Variants in SOS2 observed in about 807,000 individuals in gnomAD.
The protein encoded by SOS2 is son of sevenless homolog 2.
SOS2 carries 65 observed loss-of-function variants against 148.2 expected under a neutral mutation model. That is an observed-to-expected ratio of 0.44 (90% CI 0.36 to 0.54). The LOEUF (loss-of-function observed/expected upper bound fraction) is 0.54, where lower values mean the gene tolerates loss of function less well. SOS2 is among the 20% of genes least tolerant of loss of function. The pLI is 0.00. For synonymous variants in SOS2, 539 were observed against 537.1 expected (o/e 1.00, Z -0.05); for missense variants, 1,341 against 1,590.2 (o/e 0.84, Z 2.67).
chr14:50,196,903 T>C (rs1207341747), intron 4 of SOS2, among the ~76,000 whole-genome samples: 1 of 152,192 alleles, frequency 6.6e-6, no homozygotes, highest in Non-Finnish European at 1.5e-5. Context: ...TGTCTCACTC[T>C]GTCACCTAGG....
intron 11 of SOS2, among the ~76,000 whole-genome samples, chr14:50,158,170 G>T (rs565558254): frequency 1.3e-5 from 2 of 151,838 alleles, no homozygotes; most frequent in East Asian, 1.9e-4. Context: ...TATGTGTTTT[G>T]AAAGTTTTCA....
chr14:50,133,215 T>A (rs1010297514), intron 19 of SOS2, among the ~76,000 whole-genome samples: 4 of 151,246 alleles, frequency 2.6e-5, no homozygotes, highest in African/African-American at 4.8e-5. Context: ...TTTCATTCCA[T>A]TTTTCCATGA....
intron 4 of SOS2, among the ~76,000 whole-genome samples, chr14:50,193,752 AT>A (rs35785466): frequency 2.3e-3 from 324 of 143,368 alleles, no homozygotes; most frequent in Middle Eastern, 3.6e-3. Context: ...AGTCATCGGG[AT>A]TTTTTTTTTT....
chr14:50,148,302 C>T (rs1021767754), intron 14 of SOS2, among the ~76,000 whole-genome samples: 47 of 151,010 alleles, frequency 3.1e-4, no homozygotes, highest in Middle Eastern at 3.4e-3. Context: ...CCCAGCTACT[C>T]GGGAGGTTGA....
chr14:50,138,723 T>C lies in SOS2; in HGVS notation c.2847A>G (p.Lys949=), dbSNP rs1884166370. The part of the protein sequence containing the change: ...EEGNNDFLKK[K]GKDLINFSKR... ...TACTGAAATTGATTAAATCTTTCCCTTTCTTTTTTAAAAAATCATTATTCC... is the reference window on the plus strand; with the variant it reads ...TACTGAAATTGATTAAATCTTTCCCCTTCTTTTTTAAAAAATCATTATTCC... Residue 949 remains lysine (K), a synonymous_variant, in exon 18 of 23, where the codon AAA becomes AAG. Transcript: ENST00000216373. 7.5e-7 allele frequency: 1 copy of C among 1,327,830 alleles called. No individual in the cohort carries two copies. Among genetic ancestry groups the C allele is most frequent in the Non-Finnish European group, 1.1e-6 (1 of 938,140 alleles). The allele number at this position is 1,327,830 out of a possible 1,614,324, so 82.3% of individuals were successfully genotyped here. A position where few individuals can be genotyped will look rare whatever the true frequency, so the allele number is the denominator to read the frequency against.
intron 1 of SOS2, among the ~76,000 whole-genome samples, chr14:50,222,561 CT>C (rs1224729716): frequency 2.0e-5 from 3 of 152,124 alleles, no homozygotes; most frequent in African/African-American, 7.2e-5. Flanking sequence ...AAAATGATGT[CT>C]GACTATAAAG....
At chr14:50,200,867 T>C in intron 3 of SOS2, 86 bp downstream of exon 3, 1 of 1,279,266 alleles carries the variant, frequency 7.8e-7, no homozygotes, top group East Asian at 2.4e-5. Flanking sequence ...ACACAGACCA[T>C]GCTACATTAA....
chr14:50,214,903 TC>T (rs1050218742), intron 1 of SOS2, among the ~76,000 whole-genome samples: 25 of 151,202 alleles, frequency 1.7e-4, no homozygotes, highest in Non-Finnish European at 3.2e-4. Context: ...TGGCGCGATC[TC>T]AGCTCACTGC....
chr14:50,209,611 T>C (rs1353718501), intron 1 of SOS2, among the ~76,000 whole-genome samples: 1 of 151,722 alleles, frequency 6.6e-6, no homozygotes, highest in Non-Finnish European at 1.5e-5. Flanking sequence ...TACAAAAAAT[T>C]AGCCAGATGT....
intron 5 of SOS2, 141 bp from the exon 6 acceptor site, chr14:50,182,747 G>A (rs146010864): frequency 1.4e-4 from 87 of 624,208 alleles, no homozygotes; most frequent in African/African-American, 1.3e-3. Flanking sequence ...TACTTTTGCT[G>A]CTGCTGTACG....
intron 5 of SOS2, among the ~76,000 whole-genome samples, chr14:50,186,671 A>G (rs1209390398): frequency 6.6e-6 from 1 of 152,162 alleles, no homozygotes; most frequent in East Asian, 1.9e-4. Flanking sequence ...AGAGATGACA[A>G]TATTTGCCCA....
intron 1 of SOS2, among the ~76,000 whole-genome samples, chr14:50,213,887 CAAG>C (rs1886962678): frequency 7.3e-6 from 1 of 137,552 alleles, no homozygotes. Flanking sequence ...GAGTCCCTGC[CAAG>C]AAAAAAAAAA....
At chr14:50,209,485 G>A (rs931613623) in intron 1 of SOS2, among the ~76,000 whole-genome samples, 1 of 152,048 alleles carries the variant, frequency 6.6e-6, no homozygotes, top group Non-Finnish European at 1.5e-5. Flanking sequence ...AAAATTTTTA[G>A]GCCAGGTGCG....
At chr14:50,128,843 GC>G (rs1448552161) in intron 21 of SOS2, among the ~76,000 whole-genome samples, 1 of 151,974 alleles carries the variant, frequency 6.6e-6, no homozygotes, top group Non-Finnish European at 1.5e-5. Context: ...CTGCTATGTT[GC>G]CCTGACCTCA....
At chr14:50,180,748 G>A in intron 6 of SOS2, 66 bp from the exon 7 acceptor site, 1 of 873,368 alleles carries the variant, frequency 1.1e-6, no homozygotes, top group Non-Finnish European at 1.8e-6. Flanking sequence ...ATATGGTACA[G>A]ATTATTATCA....
At chr14:50,178,349 C>G (rs1286471614) in intron 7 of SOS2, among the ~76,000 whole-genome samples, 1 of 152,190 alleles carries the variant, frequency 6.6e-6, no homozygotes, top group Non-Finnish European at 1.5e-5. Context: ...TCCCTTTTGG[C>G]TTCCGCCATG....
intron 8 of SOS2, among the ~76,000 whole-genome samples, chr14:50,168,219 G>C (rs779463198): frequency 7.2e-5 from 11 of 152,098 alleles, no homozygotes; most frequent in Non-Finnish European, 1.0e-4. Flanking sequence ...AGTAAAAAAG[G>C]ACAGACATAG....
chr14:50,129,420 C>T (rs1192990799), intron 21 of SOS2, among the ~76,000 whole-genome samples: 2 of 152,216 alleles, frequency 1.3e-5, no homozygotes, highest in South Asian at 2.1e-4. Context: ...AGTCTCACTC[C>T]GTTGCCCAGG....
At chr14:50,161,006 G>C (rs1159329589) in intron 9 of SOS2, among the ~76,000 whole-genome samples, 2 of 147,406 alleles carry the variant, frequency 1.4e-5, no homozygotes, top group Admixed American at 6.8e-5. Flanking sequence ...GTGAGACCCT[G>C]TCTCTTAAAA....
Sources: gnomAD v4.1 joint callset for allele counts (sites outside exome capture counted in the v4.1 genomes callset) on GRCh38, gnomAD v4.1.1 for gene constraint, MANE v1.5 for transcripts, NCBI Gene and HGNC (gene_info 2026-07-23, HGNC 2026-07-21) for gene names.